Variants in NUP107 observed in about 807,000 individuals in gnomAD.
NUP107 encodes nuclear pore complex protein Nup107.
A neutral mutation model predicts 141.0 loss-of-function variants in NUP107; 101 were observed. The ratio of observed to expected loss-of-function variants is 0.72; its 90% CI spans 0.61 to 0.84. NUP107 has a LOEUF of 0.84. NUP107 is among the 40% of genes least tolerant of loss of function. NUP107 has a pLI of 0.00. For missense variants in NUP107, 941 were observed against 1,102.7 expected, an observed-to-expected ratio of 0.85 and a Z score of 2.08; for synonymous variants, 319 against 363.9, an observed-to-expected ratio of 0.88 and a Z score of 1.41.
chr12:68,718,949 C>T (rs545675798), intron 12 of NUP107, among the ~76,000 whole-genome samples: 9 of 152,104 alleles, frequency 5.9e-5, no homozygotes, highest in Non-Finnish European at 8.8e-5. Context: ...AGTGCAGTGG[C>T]GCAATTTCGG....
At chr12:68,709,806 G>A (rs756755792) in intron 9 of NUP107, among the ~76,000 whole-genome samples, 199 bp from the exon 10 acceptor site, 2 of 151,544 alleles carry the variant, frequency 1.3e-5, no homozygotes, top group African/African-American at 4.9e-5. Context: ...GGAGAATGAC[G>A]TGAACCCAGG....
At chr12:68,722,494 G>A (rs1877396955) in intron 17 of NUP107, among the ~76,000 whole-genome samples, 1 of 151,932 alleles carries the variant, frequency 6.6e-6, no homozygotes, top group African/African-American at 2.4e-5. Context: ...TTAAACAACT[G>A]TAGTAATATT....
intron 6 of NUP107, among the ~76,000 whole-genome samples, chr12:68,699,097 A>G (rs1876203465): frequency 6.6e-6 from 1 of 152,154 alleles, no homozygotes; most frequent in Non-Finnish European, 1.5e-5. Flanking sequence ...TAGGCCAGGC[A>G]CAGTGGCTCA....
chr12:68,727,903 GC>G (rs1274688914), intron 20 of NUP107, among the ~76,000 whole-genome samples: 1 of 152,104 alleles, frequency 6.6e-6, no homozygotes, highest in African/African-American at 2.4e-5. Flanking sequence ...AAGTGGACCT[GC>G]ACAGTTCAAT....
Position 68,710,023 on chromosome 12 carries a change from G to C in NUP107, c.820G>C (p.Glu274Gln), listed in dbSNP as rs377008894. ...RQSQLVVDWL[E>Q]SIAKDEIGEF... Reference sequence around the variant, plus strand: ...TTCTTAGCTGGTGGTAGATTGGTTAGAGAGTATTGCCAAAGATGAAATTGG... The same window carrying C: ...TTCTTAGCTGGTGGTAGATTGGTTACAGAGTATTGCCAAAGATGAAATTGG... Residue 274 changes from glutamate (E) to glutamine (Q), a missense_variant, in exon 10 of 28, where the codon GAG becomes CAG. By Grantham distance (29) the Glu-to-Gln change is conservative. Transcript: ENST00000229179. 6.3e-7 allele frequency: 1 copy of C among 1,593,696 alleles called. No homozygotes were observed. The highest frequency in any genetic ancestry group is 1.7e-5 in the Admixed American group (1 of 59,846).
In NUP107 at chr12:68,731,172, C is replaced by T. The variant is rs2136043983; in HGVS notation, c.1797C>T (p.Asp599=). 1 of 1,611,700 alleles carries T rather than the reference C, an allele frequency of 6.2e-7. No homozygotes were observed. The highest frequency in any genetic ancestry group is 2.2e-5 in the East Asian group (1 of 44,746). ...IAFYTCHLPQ[D]LAVAQYALFL... The stretch of plus-strand genomic sequence containing the variant: ...TTTATACCTGTCATTTGCCTCAAGA[C>T]CTAGCTGTTGCCCAGTATGCATTAT... The change falls in exon 21 of 28, where the codon GAC becomes GAT. Residue 599 remains aspartate (D), a synonymous_variant. Transcript: ENST00000229179.
At chr12:68,724,205 C>G (rs1166776932) in intron 17 of NUP107, among the ~76,000 whole-genome samples, 1 of 151,508 alleles carries the variant, frequency 6.6e-6, no homozygotes, top group Non-Finnish European at 1.5e-5. Context: ...TACCCCCTCC[C>G]CAAAAGTTCC....
chr12:68,713,865 G>A (rs1298419624), intron 11 of NUP107, 57 bp downstream of exon 11: 1 of 1,403,510 alleles, frequency 7.1e-7, no homozygotes, highest in Non-Finnish European at 9.9e-7. Context: ...TTTTTTTCAG[G>A]CTGAGAATTT....
At chr12:68,722,867 A>G (rs1877413180) in intron 17 of NUP107, among the ~76,000 whole-genome samples, 1 of 152,208 alleles carries the variant, frequency 6.6e-6, no homozygotes, top group Non-Finnish European at 1.5e-5. Context: ...GGTAGTATTT[A>G]GGTTATTTCT....
At chr12:68,699,267 G>A (rs1301628228) in intron 6 of NUP107, among the ~76,000 whole-genome samples, 1 of 152,072 alleles carries the variant, frequency 6.6e-6, no homozygotes, top group Non-Finnish European at 1.5e-5. Context: ...CAGCTACTCG[G>A]GAGGCTGAGG....
In NUP107 at chr12:68,743,073, C is replaced by T. The variant is rs1170908347; in HGVS notation, c.*611C>T. ...TCCCGCTCTTCTAATAGGGGAAATA[C>T]CATAAGTACATTTAAAAGGTGTCAT... On this transcript the variant is annotated 3_prime_UTR_variant, in exon 28 of 28. Coordinates refer to ENST00000229179, the MANE Select transcript of NUP107 (RefSeq NM_020401.4). The T allele has an allele frequency of 6.6e-6, 1 of 152,180 alleles. No homozygotes were observed. Among genetic ancestry groups the T allele is most frequent in the Non-Finnish European group, 1.5e-5 (1 of 68,070 alleles). The allele number at this position is 152,180 out of a possible 1,614,324, so 9.4% of individuals were successfully genotyped here.
At chr12:68,726,387 T>G in intron 18 of NUP107, 112 bp from the exon 19 acceptor site, 7 of 674,826 alleles carry the variant, frequency 1.0e-5, no homozygotes, top group East Asian at 5.3e-5. Flanking sequence ...CTATTAATTA[T>G]GAGACAGTGA....
At chr12:68,687,703 C>T (rs1217300952) in intron 1 of NUP107, 11 of 939,116 alleles carry the variant, frequency 1.2e-5, no homozygotes, top group South Asian at 4.9e-5. Flanking sequence ...ATTATTCGTA[C>T]TCCAAACATT....
At chr12:68,713,554 A>G (rs1472296071) in intron 10 of NUP107, among the ~76,000 whole-genome samples, 176 bp from the exon 11 acceptor site, 1 of 152,150 alleles carries the variant, frequency 6.6e-6, no homozygotes, top group African/African-American at 2.4e-5. Context: ...AAGGACATGA[A>G]AAAGCCCTCA....
intron 22 of NUP107, among the ~76,000 whole-genome samples, chr12:68,732,301 AT>A (rs1167541498): frequency 6.6e-6 from 1 of 151,888 alleles, no homozygotes; most frequent in Non-Finnish European, 1.5e-5. Context: ...TGCCTGGCTA[AT>A]TTTTTGTATT....
chr12:68,737,083 A>C (rs1878107368), intron 26 of NUP107, among the ~76,000 whole-genome samples: 1 of 152,148 alleles, frequency 6.6e-6, no homozygotes, highest in African/African-American at 2.4e-5. Flanking sequence ...CTCTGGCAAA[A>C]CCTTTCTCAT....
intron 14 of NUP107, among the ~76,000 whole-genome samples, chr12:68,720,261 A>G (rs1213365111): frequency 1.3e-5 from 2 of 152,204 alleles, no homozygotes; most frequent in East Asian, 1.9e-4. Context: ...TCTGTCAAAC[A>G]GTTCAAAAAA....
In NUP107 at chr12:68,742,442, G is replaced by A. The variant is rs760472895; in HGVS notation, c.2758G>A (p.Gly920Arg). ...CCTAGACCAGGGACTTGACCCATTA[G>A]GGTATGAAATTCAGTTATAGTTTAA... ...MLLDQGLDPL[G>R]YEIQL The change falls in exon 28 of 28, where the codon GGG becomes AGG. Residue 920 changes from glycine to arginine, a missense_variant. Transcript: ENST00000229179. The A allele has an allele frequency of 1.3e-6, 2 of 1,581,224 alleles. No homozygotes were observed. Among genetic ancestry groups the A allele is most frequent in the South Asian group, 2.3e-5 (2 of 86,552 alleles).
intron 26 of NUP107, among the ~76,000 whole-genome samples, chr12:68,737,692 C>A (rs1360928647): frequency 6.6e-6 from 1 of 150,828 alleles, no homozygotes; most frequent in Admixed American, 6.6e-5. Flanking sequence ...TCAATTATTT[C>A]TTTAAAACTA....
Sources: gnomAD v4.1 joint callset for allele counts (sites outside exome capture counted in the v4.1 genomes callset) on GRCh38, gnomAD v4.1.1 for gene constraint, MANE v1.5 for transcripts, NCBI Gene and HGNC (gene_info 2026-07-23, HGNC 2026-07-21) for gene names.